Variants in GNAI3 observed in about 807,000 individuals in gnomAD.
GNAI3 encodes the protein guanine nucleotide-binding protein G(i) subunit alpha-3.
Under a neutral mutation model 41.8 loss-of-function variants are expected in GNAI3, and 12 were observed. That is an observed-to-expected ratio of 0.29 (90% CI 0.18 to 0.47). The LOEUF is 0.47. Ranked by LOEUF, GNAI3 falls within the 20% of genes least tolerant of loss-of-function variation. GNAI3 has a pLI of 1.00. For synonymous variants in GNAI3, 132 were observed against 146.5 expected (o/e 0.90, Z 0.71); for missense variants, 360 against 429.6 (o/e 0.84, Z 1.43).
chr1:109,584,631 C>G (rs1018688762), intron 5 of GNAI3, among the ~76,000 whole-genome samples: 3 of 152,232 alleles, frequency 2.0e-5, no homozygotes, highest in Admixed American at 6.5e-5. Context: ...GGCAAAACTA[C>G]TATCCATTTA....
At chr1:109,557,952 A>G (rs1648203859) in intron 1 of GNAI3, among the ~76,000 whole-genome samples, 1 of 152,226 alleles carries the variant, frequency 6.6e-6, no homozygotes, top group African/African-American at 2.4e-5. Flanking sequence ...TAAAGAGATG[A>G]CAGTGCCTGA....
intron 1 of GNAI3, among the ~76,000 whole-genome samples, chr1:109,559,403 G>A (rs1226026546): frequency 6.6e-6 from 1 of 152,140 alleles, no homozygotes; most frequent in African/African-American, 2.4e-5. Flanking sequence ...TGAGAGATTA[G>A]TCCTTATCAC....
intron 3 of GNAI3, among the ~76,000 whole-genome samples, chr1:109,576,714 G>A (rs1332118148): frequency 2.6e-5 from 4 of 152,042 alleles, no homozygotes; most frequent in African/African-American, 9.6e-5. Context: ...AGAGACGGGG[G>A]TTTCTCCATG....
Position 109,548,787 on chromosome 1 carries a change from T to C in GNAI3, c.67T>C (p.Leu23=), listed in dbSNP as rs1647896921. Residue 23 remains leucine (L), a synonymous_variant, in exon 1 of 9, where the codon TTA becomes CTA. Coordinates refer to ENST00000369851, the MANE Select transcript of GNAI3 (RefSeq NM_006496.4). ...GCGAAGCAAGATGATCGACCGCAACTTACGGGAGGACGGGGAAAAAGCGGC... is the reference window on the plus strand; with the variant it reads ...GCGAAGCAAGATGATCGACCGCAACCTACGGGAGGACGGGGAAAAAGCGGC... The part of the protein sequence containing the change: ...VERSKMIDRN[L]REDGEKAAKE... 3.7e-6 allele frequency: 6 copies of C among 1,613,196 alleles called. No individual in the cohort carries two copies. Among genetic ancestry groups the C allele is most frequent in the Non-Finnish European group, 3.4e-6 (4 of 1,179,706 alleles).
chr1:109,578,991 A>G (rs1028743776), intron 3 of GNAI3, among the ~76,000 whole-genome samples: 1 of 152,168 alleles, frequency 6.6e-6, no homozygotes, highest in African/African-American at 2.4e-5. Context: ...AAGTAAAATC[A>G]TTCCTCAGCT....
intron 1 of GNAI3, among the ~76,000 whole-genome samples, chr1:109,555,963 C>CGTGCGTGTGTGT (rs1163257606): frequency 2.6e-4 from 38 of 144,630 alleles, no homozygotes; most frequent in African/African-American, 7.5e-4. Context: ...TGCGTGCGTG[C>CGTGCGTGTGTGT]GTGTGTGTGT....
Position 109,597,959 on chromosome 1 carries a change from C to T in GNAI3, c.*5637C>T, listed in dbSNP as rs185298359. ...TTTGTATGCCCAGTGCTAGTGTTTT[C>T]CTGAAATCTAGTGAGAATCACAAGG... On this transcript the variant is annotated 3_prime_UTR_variant, in exon 9 of 9. Transcript: ENST00000369851. 1.3e-5 allele frequency: 2 copies of T among 152,232 alleles called. No homozygotes were observed. The highest frequency in any genetic ancestry group is 4.8e-5 in the African/African-American group (2 of 41,538). The allele number at this position is 152,232 out of a possible 1,614,324, so 9.4% of individuals were successfully genotyped here.
intron 1 of GNAI3, among the ~76,000 whole-genome samples, chr1:109,564,429 T>TA (rs1243317594): frequency 6.6e-6 from 1 of 152,200 alleles, no homozygotes; most frequent in Non-Finnish European, 1.5e-5. Context: ...TTTTCTCACT[T>TA]ACTTGATGTC....
At chr1:109,579,127 C>T (rs1648826691) in intron 3 of GNAI3, 77 bp from the exon 4 acceptor site, 1 of 1,165,472 alleles carries the variant, frequency 8.6e-7, no homozygotes. Flanking sequence ...TGTAATGTGT[C>T]TATATTTTAA....
In GNAI3 at chr1:109,586,733, G is replaced by A. The variant is rs766607222; in HGVS notation, c.725G>A (p.Arg242Gln). 1.9e-6 allele frequency: 3 copies of A among 1,594,002 alleles called. No individual in the cohort carries two copies. Among genetic ancestry groups the A allele is most frequent in the South Asian group, 2.2e-5 (2 of 89,512 alleles). ...LVLAEDEEMN[R>Q]MHESMKLFDS... Reference sequence around the variant, plus strand: ...CATCCTTTATTTCTTTTTCAGAACCGAATGCATGAAAGCATGAAACTGTTT... The same window carrying A: ...CATCCTTTATTTCTTTTTCAGAACCAAATGCATGAAAGCATGAAACTGTTT... The change falls in exon 7 of 9, where the codon CGA becomes CAA. Residue 242 changes from arginine (R) to glutamine (Q), a missense_variant. Coordinates refer to ENST00000369851, the MANE Select transcript of GNAI3 (RefSeq NM_006496.4).
At chr1:109,563,210 C>T (rs1205251534) in intron 1 of GNAI3, among the ~76,000 whole-genome samples, 8 of 152,074 alleles carry the variant, frequency 5.3e-5, no homozygotes, top group African/African-American at 1.2e-4. Context: ...GGTGAAACTC[C>T]GTCTCTACTA....
chr1:109,555,963 CGTGTGTGTGTGTGTGTGTGT>C (rs71069692), intron 1 of GNAI3, among the ~76,000 whole-genome samples: 3 of 144,534 alleles, frequency 2.1e-5, no homozygotes, highest in Non-Finnish European at 3.1e-5. Flanking sequence ...TGCGTGCGTG[CGTGTGTGTGTGTGTGTGTGT>C]GTGTGTGTGT....
intron 7 of GNAI3, among the ~76,000 whole-genome samples, chr1:109,588,108 C>T (rs572335719): frequency 6.6e-6 from 1 of 152,088 alleles, no homozygotes; most frequent in Admixed American, 6.5e-5. Flanking sequence ...AGGCTGGGCG[C>T]GGTGGCTCAC....
chr1:109,577,159 A>G (rs913387893), intron 3 of GNAI3, among the ~76,000 whole-genome samples: 4 of 152,038 alleles, frequency 2.6e-5, no homozygotes, highest in African/African-American at 9.6e-5. Flanking sequence ...GGACATGCTC[A>G]CTGCTGAGTA....
intron 3 of GNAI3, among the ~76,000 whole-genome samples, chr1:109,578,051 A>T (rs184156293): frequency 6.6e-6 from 1 of 152,190 alleles, no homozygotes; most frequent in African/African-American, 2.4e-5. Context: ...ATCCCGTGAG[A>T]CCTGTGTTTA....
At chr1:109,563,574 C>G (rs1648371238) in intron 1 of GNAI3, among the ~76,000 whole-genome samples, 1 of 151,992 alleles carries the variant, frequency 6.6e-6, no homozygotes, top group Non-Finnish European at 1.5e-5. Context: ...AAAAAAAACT[C>G]AAGCCAACCC....
intron 5 of GNAI3, among the ~76,000 whole-genome samples, chr1:109,584,759 T>C (rs144034399): frequency 5.9e-5 from 9 of 152,338 alleles, no homozygotes; most frequent in Non-Finnish European, 1.2e-4. Context: ...ATATTGTAAA[T>C]GTTAATATGT....
intron 1 of GNAI3, among the ~76,000 whole-genome samples, chr1:109,549,795 T>A (rs1435607690): frequency 1.3e-5 from 2 of 152,240 alleles, no homozygotes; most frequent in African/African-American, 4.8e-5. Flanking sequence ...CAGGAATTAC[T>A]GTTTATGTTA....
At position 109,579,236 on chromosome 1, in the gene GNAI3, C is replaced by A. The variant is rs558415628; in HGVS notation, c.336C>A (p.Gly112=). 7 of 1,612,382 alleles carry A rather than the reference C, an allele frequency of 4.3e-6. No individual in the cohort carries two copies. The African/African-American group carries it at 9.3e-5, about 22-fold the overall frequency. Residue 112 remains glycine, a synonymous_variant, in exon 4 of 9, where the codon GGC becomes GGA. Coordinates refer to ENST00000369851, the MANE Select transcript of GNAI3 (RefSeq NM_006496.4). ...CCCGGCAATTATTTGTTTTAGCTGGCAGTGCTGAAGAAGGAGTCATGACTC... is the reference window on the plus strand; with the variant it reads ...CCCGGCAATTATTTGTTTTAGCTGGAAGTGCTGAAGAAGGAGTCATGACTC... The part of the protein sequence containing the change: ...DDARQLFVLA[G]SAEEGVMTPE...
Sources: allele counts gnomAD v4.1 joint callset (sites outside exome capture counted in the v4.1 genomes callset), GRCh38; gene constraint gnomAD v4.1.1; transcripts MANE v1.5; gene names NCBI Gene and HGNC (gene_info 2026-07-23, HGNC 2026-07-21).